RPUSD3: variants seen among roughly 807,000 people sequenced by gnomAD.
The protein encoded by RPUSD3 is mitochondrial mRNA pseudouridine synthase RPUSD3.
Under a neutral mutation model 35.1 loss-of-function variants are expected in RPUSD3, and 36 were observed. The observed-to-expected ratio is 1.02, with a 90% CI of 0.79 to 1.35. RPUSD3 has a LOEUF of 1.35. Among genes scored for constraint, RPUSD3 ranks in the 40% most tolerant of loss-of-function variants. RPUSD3 has a pLI of 0.00. For missense variants in RPUSD3, 486 were observed against 441.9 expected (o/e 1.10, Z -0.89); for synonymous variants, 202 against 187.8 (o/e 1.08, Z -0.62).
chr3:9,843,143 C>G (rs2125026951), intron 2 of RPUSD3: 1 of 320,528 alleles, frequency 3.1e-6, no homozygotes, highest in Non-Finnish European at 5.9e-6. Flanking sequence ...CCGCCCGCGT[C>G]AGCACCCTAA....
At chr3:9,843,428 T>G (rs1474099713) in intron 2 of RPUSD3, 37 bp downstream of exon 2, 1 of 1,611,734 alleles carries the variant, frequency 6.2e-7, no homozygotes, top group Admixed American at 1.7e-5. Flanking sequence ...GGCAGTCCCC[T>G]CCCGGTCCTT....
chr3:9,842,682 T>C (rs1465088379), intron 2 of RPUSD3: 1 of 243,558 alleles, frequency 4.1e-6, no homozygotes, highest in Non-Finnish European at 8.3e-6. Context: ...CATATCTATC[T>C]TTTTCAGCAC....
chr3:9,837,904 G>T, exon 9 of RPUSD3: 1 of 1,195,342 alleles, frequency 8.4e-7, no homozygotes, highest in Non-Finnish European at 1.1e-6. Flanking sequence ...CTTGCCCAAT[G>T]CCACACAGCA....
exon 9 of RPUSD3, chr3:9,838,115 G>A (rs2082048197): frequency 6.2e-7 from 1 of 1,612,748 alleles, no homozygotes; most frequent in Non-Finnish European, 8.5e-7. Flanking sequence ...TGGTGCCTGG[G>A]AGAAGGAGCC....
At position 9,843,250 on chromosome 3, in the gene RPUSD3, T is replaced by C. The variant is rs539091386; in HGVS notation, c.262+215A>G. 6.4e-6 allele frequency: 4 copies of C among 625,220 alleles called. No homozygotes were observed. In the South Asian group the frequency reaches 8.1e-5, roughly 13 times the overall value. 38.7% of individuals were successfully genotyped at this position (625,220 alleles called of 1,614,324 possible). On this transcript the variant is annotated intron_variant, in intron 2 of 8. Transcript: ENST00000383820. ...AGCGCCGGCTATGTGCAAGGCTCGG[T>C]AGTTATTTGCATCTTCTCCCCACTC...
chr3:9,839,173 T>A lies in RPUSD3; in HGVS notation c.725-2A>T. 1 of 1,604,718 alleles carries A rather than the reference T, an allele frequency of 6.2e-7. No homozygotes were observed. Among genetic ancestry groups the A allele is most frequent in the South Asian group, 1.1e-5 (1 of 90,810 alleles). On this transcript the variant is annotated splice_acceptor_variant, in intron 7 of 8. Coordinates refer to ENST00000383820, the Ensembl canonical transcript of RPUSD3. LOFTEE classifies it high-confidence loss of function. ...GCACCTGTAGTTGACTGGAGAACAC[T>A]GGGCAACAGGAAAGCCAGGAGAGAC...
exon 8 of RPUSD3, chr3:9,839,151 C>G (rs1244165987): frequency 6.2e-7 from 1 of 1,612,328 alleles, no homozygotes. Flanking sequence ...ACCATGTGCA[C>G]CTGTAGTTGA....
At chr3:9,840,718 T>C (rs757600499) in exon 5 of RPUSD3, 1 of 1,614,062 alleles carries the variant, frequency 6.2e-7, no homozygotes, top group Non-Finnish European at 8.5e-7. Flanking sequence ...CTGTGGGCCT[T>C]TGGGCTCTCC....
At chr3:9,843,130 G>T in intron 2 of RPUSD3, 1 of 264,008 alleles carries the variant, frequency 3.8e-6, no homozygotes, top group Non-Finnish European at 7.4e-6. Flanking sequence ...GACCTCAGGT[G>T]ATCCGCCCGC....
At position 9,840,864 on chromosome 3, in the gene RPUSD3, G is replaced by T. The variant is rs76842436; in HGVS notation, c.408-59C>A. ...TCCCTTGAACTCGCCCACTAAAAAG[G>T]AAACTCTTAGGAACACTGACCTGCT... On this transcript the variant is annotated intron_variant, in intron 4 of 8. Transcript: ENST00000383820. 5.3e-3 allele frequency: 7,082 copies of T among 1,341,336 alleles called. 311 individuals are homozygous for T. The African/African-American group carries it at 0.089, about 17-fold the overall frequency. The allele number at this position is 1,341,336 out of a possible 1,614,324, so 83.1% of individuals were successfully genotyped here. A position where few individuals can be genotyped will look rare whatever the true frequency, so the allele number is the denominator to read the frequency against.
At chr3:9,843,248 G>C (rs1208953506) in intron 2 of RPUSD3, 1 of 625,466 alleles carries the variant, frequency 1.6e-6, no homozygotes, top group East Asian at 2.8e-5. Context: ...TGCAAGGCTC[G>C]GTAGTTATTT....
rs2082115614 is a variant in RPUSD3, at chr3:9,842,251, A to G, written c.263-8T>C. 1 of 1,614,014 alleles carries G rather than the reference A, an allele frequency of 6.2e-7. No individual in the cohort carries two copies. Among genetic ancestry groups the G allele is most frequent in the Non-Finnish European group, 8.5e-7 (1 of 1,180,018 alleles). Reference sequence around the variant, plus strand: ...TCAACGTCACTAGAGGTCCTGAAACATACATCACACGAACATCAGCAAAAG... The same window carrying G: ...TCAACGTCACTAGAGGTCCTGAAACGTACATCACACGAACATCAGCAAAAG... On this transcript the variant is annotated splice_region_variant and splice_polypyrimidine_tract_variant and intron_variant, in intron 2 of 8. Transcript: ENST00000383820.
At position 9,843,426 on chromosome 3, in the gene RPUSD3, C is replaced by G. The variant is rs199579436; in HGVS notation, c.262+39G>C. On this transcript the variant is annotated intron_variant, in intron 2 of 8. Transcript: ENST00000383820. ...GCCCAACTGCACGCCGAGGCAGTCC[C>G]CTCCCGGTCCTTGTGCGGCCGTGCC... The G allele has an allele frequency of 1.7e-5, 28 of 1,611,060 alleles. No individual in the cohort carries two copies. The East Asian group carries it at 5.4e-4, about 31-fold the overall frequency.
At chr3:9,842,220 G>A (rs1457485304) in exon 3 of RPUSD3, 2 of 1,614,146 alleles carry the variant, frequency 1.2e-6, no homozygotes, top group East Asian at 2.2e-5. Context: ...AGACCCTGTG[G>A]CTTGTTCAAC....
At chr3:9,843,940 G>T (rs878971558) in exon 1 of RPUSD3, 9 of 1,595,610 alleles carry the variant, frequency 5.6e-6, no homozygotes, top group Non-Finnish European at 7.7e-6. Context: ...GGACACCCAG[G>T]CCCCGCCGCC....
chr3:9,842,417 C>G, intron 2 of RPUSD3, 174 bp from the exon 3 acceptor site: 1 of 671,518 alleles, frequency 1.5e-6, no homozygotes, highest in Admixed American at 2.3e-5. Context: ...TCTGCCACCT[C>G]AGAGCCTCGG....
At chr3:9,843,904 A>G (rs1559237651) in exon 1 of RPUSD3, 3 of 1,605,450 alleles carry the variant, frequency 1.9e-6, no homozygotes, top group Non-Finnish European at 2.5e-6. Context: ...CTTCGGTGCC[A>G]AAGCCTGCGT....
At chr3:9,843,956 C>T in exon 1 of RPUSD3, 1 of 1,609,270 alleles carries the variant, frequency 6.2e-7, no homozygotes, top group Non-Finnish European at 8.5e-7. Flanking sequence ...CCGCCAGCCA[C>T]TCCAGAACCG....
chr3:9,840,179 C>A lies in RPUSD3; in HGVS notation c.724+5G>T, dbSNP rs756059707. Reference sequence around the variant, plus strand: ...TTTAAAGGCTGGCTAGGGTGCCAGACCTACCTGTCAGTGGCTGCAGCTGGA... The same window carrying A: ...TTTAAAGGCTGGCTAGGGTGCCAGAACTACCTGTCAGTGGCTGCAGCTGGA... On this transcript the variant is annotated splice_donor_5th_base_variant and intron_variant, in intron 7 of 8. Transcript: ENST00000383820. The A allele has an allele frequency of 3.5e-5, 56 of 1,611,352 alleles. No homozygotes were observed. In the South Asian group the frequency reaches 5.6e-4, roughly 16 times the overall value.
Sources: allele counts gnomAD v4.1 joint callset, GRCh38; gene constraint gnomAD v4.1.1; transcripts MANE v1.5; gene names NCBI Gene and HGNC (gene_info 2026-07-23, HGNC 2026-07-21).